The following SOS1 variants were observed in gnomAD, a reference collection of about 807,000 sequenced individuals.
SOS1 encodes SOS Ras/Rac guanine nucleotide exchange factor 1.
In SOS1, 25 loss-of-function variants were observed where a neutral mutation model predicts 157.6. The ratio of observed to expected loss-of-function variants is 0.16; its 90% CI spans 0.12 to 0.22. The LOEUF is 0.22. SOS1 is among the 10% of genes least tolerant of loss of function. The probability of loss-of-function intolerance (pLI) is 1.00; values close to 1 mark genes in which losing one functional copy is unlikely to be tolerated. For synonymous variants in SOS1, 528 were observed against 534.0 expected (o/e 0.99, Z 0.16); for missense variants, 1,237 against 1,599.1 (o/e 0.77, Z 3.86).
chr2:39,077,748 T>C (rs555800829), intron 1 of SOS1, among the ~76,000 whole-genome samples: 5 of 152,258 alleles, frequency 3.3e-5, no homozygotes, highest in African/African-American at 9.6e-5. Context: ...ATCCAATATA[T>C]AGTGCTAGGA....
chr2:39,044,844 A>G (rs764592938), intron 6 of SOS1, among the ~76,000 whole-genome samples: 1 of 113,806 alleles, frequency 8.8e-6, no homozygotes, highest in Non-Finnish European at 1.8e-5. Context: ...GACTGTGTAC[A>G]CACACATGCG....
chr2:39,092,865 G>T (rs1247741253), intron 1 of SOS1, among the ~76,000 whole-genome samples: 1 of 152,076 alleles, frequency 6.6e-6, no homozygotes, highest in African/African-American at 2.4e-5. Flanking sequence ...TCCAAACTAG[G>T]CATTTGAGAA....
chr2:39,114,682 G>A (rs374240507), intron 1 of SOS1, among the ~76,000 whole-genome samples: 18 of 152,040 alleles, frequency 1.2e-4, no homozygotes, highest in East Asian at 1.2e-3. Context: ...TCAGCTCACT[G>A]AAGCCTCCAA....
chr2:39,093,076 C>T (rs903394128), intron 1 of SOS1, among the ~76,000 whole-genome samples: 1 of 152,074 alleles, frequency 6.6e-6, no homozygotes, highest in Admixed American at 6.5e-5. Context: ...TACAGAAATA[C>T]TTTTTTAAAT....
intron 10 of SOS1, among the ~76,000 whole-genome samples, chr2:39,019,902 TA>T (rs969737969): frequency 6.6e-6 from 1 of 151,644 alleles, no homozygotes; most frequent in Admixed American, 6.6e-5. Context: ...ACAAGCCATT[TA>T]TATTATTGGC....
chr2:39,006,612 C>T, intron 16 of SOS1, 83 bp from the exon 17 acceptor site: 2 of 764,962 alleles, frequency 2.6e-6, no homozygotes, highest in Non-Finnish European at 4.7e-6. Context: ...CAGAAACGCC[C>T]AAATACAACA....
chr2:39,104,249 T>C (rs1247554710), intron 1 of SOS1, among the ~76,000 whole-genome samples: 1 of 152,012 alleles, frequency 6.6e-6, no homozygotes, highest in Non-Finnish European at 1.5e-5. Context: ...ACCATCACAC[T>C]CCAGCCTGGG....
At chr2:39,010,398 T>TG (rs1669426484) in intron 15 of SOS1, among the ~76,000 whole-genome samples, 186 bp downstream of exon 15, 1 of 151,690 alleles carries the variant, frequency 6.6e-6, no homozygotes, top group African/African-American at 2.4e-5. Flanking sequence ...CTGGTTACTC[T>TG]GGAGGCTGAG....
upstream of SOS1, among the ~76,000 whole-genome samples, chr2:39,124,573 G>A (rs1422431369): frequency 6.6e-6 from 1 of 152,276 alleles, no homozygotes; most frequent in Non-Finnish European, 1.5e-5. Context: ...GCCTTTGCCT[G>A]CCCTGCTGGC....
intron 1 of SOS1, among the ~76,000 whole-genome samples, chr2:39,118,569 T>G (rs1220479270): frequency 6.6e-6 from 1 of 152,198 alleles, no homozygotes; most frequent in Non-Finnish European, 1.5e-5. Flanking sequence ...CTGTTTTATG[T>G]AAATATGCAA....
intron 1 of SOS1, among the ~76,000 whole-genome samples, chr2:39,114,742 G>A (rs1455797285): frequency 3.3e-5 from 5 of 152,008 alleles, no homozygotes; most frequent in East Asian, 1.9e-4. Flanking sequence ...GATTACAGGC[G>A]TGCACCACCA....
intron 8 of SOS1, 98 bp downstream of exon 8, chr2:39,035,114 A>G: frequency 1.3e-6 from 1 of 762,082 alleles, no homozygotes; most frequent in Admixed American, 2.1e-5. Context: ...GAAACACACT[A>G]ATGTGCAGGG....
Position 39,092,998 on chromosome 2 carries a change from G to A in SOS1, c.88-25245C>T, listed in dbSNP as rs558834748. Among the ~76,000 whole-genome samples, 4 of 152,196 alleles carry A rather than the reference G, an allele frequency of 2.6e-5. No individual in the cohort carries two copies. The South Asian group carries it at 8.3e-4, about 32-fold the overall frequency. ...TTAATGAGGCAATATTACTTCTTTG[G>A]TAAACTGTGACTCTTAAAAAGCCAC... On this transcript the variant is annotated intron_variant, in intron 1 of 22. Coordinates refer to ENST00000402219, the MANE Select transcript of SOS1 (RefSeq NM_005633.4).
At chr2:39,088,240 T>C in intron 1 of SOS1, among the ~76,000 whole-genome samples, 1 of 99,826 alleles carries the variant, frequency 1.0e-5, no homozygotes, top group African/African-American at 3.5e-5. Flanking sequence ...TTTTCTTTTT[T>C]TTTAAATGCA....
intron 1 of SOS1, 51 bp downstream of exon 1, chr2:39,120,268 CCCAGCCCTTCCCCAGCG>C: frequency 1.4e-6 from 2 of 1,438,796 alleles, no homozygotes; most frequent in South Asian, 1.3e-5. Context: ...GCCCCGCCTC[CCCAGCCCTTCCCCAGCG>C]CCCGCGCTGG....
intron 6 of SOS1, among the ~76,000 whole-genome samples, chr2:39,043,838 A>G (rs1428531909): frequency 2.0e-5 from 3 of 152,182 alleles, no homozygotes; most frequent in African/African-American, 7.2e-5. Context: ...TCCAATCAAT[A>G]TATACAGATT....
At chr2:39,110,265 C>A (rs1673372936) in intron 1 of SOS1, among the ~76,000 whole-genome samples, 1 of 152,064 alleles carries the variant, frequency 6.6e-6, no homozygotes, top group Admixed American at 6.6e-5. Context: ...ATAACTAATA[C>A]TATGTAAATA....
Position 38,982,016 on chromosome 2 carries a change from T to C in SOS1, c.*3808A>G, listed in dbSNP as rs943448363. ...GCAGCTACTGAAAGTGGCATGCATC[T>C]GGCACAGGTGCGCTCTCCCTAAGCC... is the stretch of plus-strand genomic sequence containing the variant. On this transcript the variant is annotated 3_prime_UTR_variant, in exon 23 of 23. Transcript: ENST00000402219. The C allele has an allele frequency of 5.9e-5, 9 of 152,194 alleles. No homozygotes were observed. Among genetic ancestry groups the C allele is most frequent in the African/African-American group, 2.2e-4 (9 of 41,452 alleles). The allele number at this position is 152,194 out of a possible 1,614,324, so 9.4% of individuals were successfully genotyped here.
intron 17 of SOS1, 50 bp downstream of exon 17, chr2:39,006,360 AGT>A (rs1669282666): frequency 2.3e-6 from 2 of 867,328 alleles, no homozygotes; most frequent in East Asian, 4.8e-5. Context: ...TAATGAAATG[AGT>A]GTTTTGTTTT....
Sources: gnomAD v4.1 joint callset for allele counts (sites outside exome capture counted in the v4.1 genomes callset) on GRCh38, gnomAD v4.1.1 for gene constraint, MANE v1.5 for transcripts, NCBI Gene and HGNC (gene_info 2026-07-23, HGNC 2026-07-21) for gene names.